DISC1: variants seen among roughly 807,000 people sequenced by gnomAD.
DISC1 encodes disrupted in schizophrenia 1 protein.
Under a neutral mutation model 84.5 loss-of-function variants are expected in DISC1, and 57 were observed. That is an observed-to-expected ratio of 0.67 (90% CI 0.55 to 0.84). The LOEUF (loss-of-function observed/expected upper bound fraction) is 0.84, where lower values mean the gene tolerates loss of function less well. Ranked by LOEUF, DISC1 falls within the 40% of genes least tolerant of loss-of-function variation. The probability of loss-of-function intolerance (pLI) is 0.00; values close to 1 mark genes in which losing one functional copy is unlikely to be tolerated. For missense variants in DISC1, 1,000 were observed against 1,057.8 expected (o/e 0.95, Z 0.76); for synonymous variants, 411 against 415.2 (o/e 0.99, Z 0.12).
chr1:231,944,594 C>T (rs925742160), intron 9 of DISC1, among the ~76,000 whole-genome samples: 1 of 152,164 alleles, frequency 6.6e-6, no homozygotes, highest in Admixed American at 6.5e-5. Flanking sequence ...GGGTGTTAAA[C>T]TCTACCTCAG....
intron 9 of DISC1, among the ~76,000 whole-genome samples, chr1:231,926,155 C>T (rs1470920353): frequency 2.6e-5 from 4 of 152,144 alleles, no homozygotes; most frequent in Admixed American, 2.0e-4. Flanking sequence ...GATTGTTGCT[C>T]TCAGTTAACG....
At chr1:231,854,692 C>T (rs2084133906) in intron 9 of DISC1, 1 of 176,288 alleles carries the variant, frequency 5.7e-6, no homozygotes, top group African/African-American at 2.4e-5. Context: ...GTATGTGATA[C>T]AAGAAACTAA....
chr1:231,680,748 G>A (rs957740572), intron 1 of DISC1, among the ~76,000 whole-genome samples: 5 of 152,212 alleles, frequency 3.3e-5, no homozygotes, highest in South Asian at 4.1e-4. Flanking sequence ...TGCTGTTTCT[G>A]TGTGAAATAC....
intron 1 of DISC1, among the ~76,000 whole-genome samples, chr1:231,678,729 C>G (rs960301444): frequency 1.3e-5 from 2 of 152,118 alleles, no homozygotes; most frequent in Non-Finnish European, 2.9e-5. Context: ...GTACAGTGGC[C>G]TGATCGGCTC....
At chr1:231,642,317 C>T (rs1300680356) in intron 1 of DISC1, among the ~76,000 whole-genome samples, 2 of 152,242 alleles carry the variant, frequency 1.3e-5, no homozygotes, top group African/African-American at 4.8e-5. Flanking sequence ...GCTGAGGGAG[C>T]CGGCTCCGGC....
chr1:231,743,140 A>T (rs1051680059), intron 3 of DISC1, among the ~76,000 whole-genome samples: 1 of 152,228 alleles, frequency 6.6e-6, no homozygotes, highest in Non-Finnish European at 1.5e-5. Flanking sequence ...AATATGGTGG[A>T]TAGCAGAGGG....
chr1:231,790,784 C>T (rs1000113825), intron 6 of DISC1, among the ~76,000 whole-genome samples: 3 of 152,176 alleles, frequency 2.0e-5, no homozygotes, highest in African/African-American at 7.2e-5. Flanking sequence ...TCCCAAAGTG[C>T]TGGGATTACA....
chr1:231,994,361 G>A (rs1427311883), intron 10 of DISC1, among the ~76,000 whole-genome samples: 8 of 152,132 alleles, frequency 5.3e-5, no homozygotes, highest in Admixed American at 4.6e-4. Flanking sequence ...TGTCCCAGAA[G>A]AACCAGGTGG....
intron 1 of DISC1, among the ~76,000 whole-genome samples, chr1:231,669,478 C>T (rs577915908): frequency 1.4e-4 from 22 of 152,100 alleles, no homozygotes; most frequent in South Asian, 8.3e-4. Context: ...CTGCATCCAA[C>T]GAAGGTCTAA....
At chr1:231,766,693 A>G (rs995742179) in intron 4 of DISC1, among the ~76,000 whole-genome samples, 6 of 152,378 alleles carry the variant, frequency 3.9e-5, no homozygotes, top group Admixed American at 3.9e-4. Flanking sequence ...ATTAATAAGA[A>G]ACAGGTGAAA....
At chr1:231,634,126 C>T (rs577258575) in intron 1 of DISC1, among the ~76,000 whole-genome samples, 122 of 152,180 alleles carry the variant, frequency 8.0e-4, no homozygotes, top group African/African-American at 2.8e-3. Flanking sequence ...TCAAGTGATC[C>T]GCCTGCCTCG....
chr1:232,027,496 C>T (rs1221309651), intron 12 of DISC1, among the ~76,000 whole-genome samples: 1 of 151,666 alleles, frequency 6.6e-6, no homozygotes, highest in Non-Finnish European at 1.5e-5. Context: ...GGTATGCATC[C>T]GTATGAAGCA....
At chr1:231,856,188 A>G (rs2084258203) in intron 9 of DISC1, among the ~76,000 whole-genome samples, 1 of 152,188 alleles carries the variant, frequency 6.6e-6, no homozygotes, top group Non-Finnish European at 1.5e-5. Flanking sequence ...TGGATTGCAG[A>G]TTTATGTGTC....
chr1:231,858,664 C>T lies in DISC1; in HGVS notation c.1981+40147C>T, dbSNP rs995024179. 5.9e-5 allele frequency among the ~76,000 whole-genome samples: 9 copies of T among 152,256 alleles called. No individual in the cohort carries two copies. In the South Asian group the frequency reaches 1.2e-3, roughly 21 times the overall value. ...ACAATTTGGAGTCGATTCCTGTAGTCTTCCTTTTTCTATTCACTTTCAAAA... is the reference window on the plus strand; with the variant it reads ...ACAATTTGGAGTCGATTCCTGTAGTTTTCCTTTTTCTATTCACTTTCAAAA... On this transcript the variant is annotated intron_variant, in intron 9 of 12. Transcript: ENST00000439617.
chr1:231,665,235 G>C (rs1159719557), intron 1 of DISC1, among the ~76,000 whole-genome samples: 1 of 152,150 alleles, frequency 6.6e-6, no homozygotes, highest in African/African-American at 2.4e-5. Context: ...GATGCTAACC[G>C]TCTGCACATG....
At chr1:232,023,841 C>T (rs1669189147) in intron 11 of DISC1, among the ~76,000 whole-genome samples, 2 of 152,140 alleles carry the variant, frequency 1.3e-5, no homozygotes, top group Non-Finnish European at 2.9e-5. Flanking sequence ...GTTTCTCCTT[C>T]CTGTATGATT....
chr1:231,877,656 G>A (rs1250161232), intron 9 of DISC1, among the ~76,000 whole-genome samples: 1 of 152,170 alleles, frequency 6.6e-6, no homozygotes, highest in Non-Finnish European at 1.5e-5. Context: ...AGGTATTAAT[G>A]TTATTTTAGG....
intron 9 of DISC1, among the ~76,000 whole-genome samples, chr1:231,892,101 T>C (rs1005655896): frequency 6.6e-6 from 1 of 152,164 alleles, no homozygotes; most frequent in Non-Finnish European, 1.5e-5. Flanking sequence ...CATTGATTGC[T>C]CTACCAAGAG....
chr1:231,933,596 A>G (rs1234295396), intron 9 of DISC1, among the ~76,000 whole-genome samples: 2 of 152,156 alleles, frequency 1.3e-5, no homozygotes, highest in Non-Finnish European at 2.9e-5. Flanking sequence ...TTCTTAAAAC[A>G]TTCGTTCTCA....
Sources: gnomAD v4.1 joint callset for allele counts (sites outside exome capture counted in the v4.1 genomes callset) on GRCh38, gnomAD v4.1.1 for gene constraint, MANE v1.5 for transcripts, NCBI Gene and HGNC (gene_info 2026-07-23, HGNC 2026-07-21) for gene names.